The following RAP1GAP variants were observed in gnomAD, a reference collection of about 807,000 sequenced individuals.
The protein encoded by RAP1GAP is rap1 GTPase-activating protein 1.
Under a neutral mutation model 87.2 loss-of-function variants are expected in RAP1GAP, and 35 were observed. That is an observed-to-expected ratio of 0.40 (90% CI 0.31 to 0.53). The LOEUF is 0.53. Among genes scored for constraint, RAP1GAP ranks in the 20% least tolerant of loss-of-function variants. The probability of loss-of-function intolerance (pLI) is 0.48; values close to 1 mark genes in which losing one functional copy is unlikely to be tolerated. For missense variants in RAP1GAP, 734 were observed against 898.9 expected (o/e 0.82, Z 2.35); for synonymous variants, 375 against 363.9 (o/e 1.03, Z -0.35).
chr1:21,617,291 C>T lies in RAP1GAP; in HGVS notation c.291+15G>A, dbSNP rs1400032988. On this transcript the variant is annotated intron_variant, in intron 7 of 24. Transcript: ENST00000374765. ...CCCACCCCAGCCAGCCCCGCTGCAC[C>T]AGCCGGCCACCCACCTTGCCGAGAA... 1.7e-5 allele frequency: 27 copies of T among 1,557,712 alleles called. No homozygotes were observed. Among genetic ancestry groups the T allele is most frequent in the Non-Finnish European group, 2.3e-5 (27 of 1,150,078 alleles).
At position 21,647,730 on chromosome 1, in the gene RAP1GAP, G is replaced by A. The variant is rs529036758; in HGVS notation, c.-113+2031C>T. ...CTGCCATGCTCTTTCCCCTACCCCA[G>A]GAACATTCACGAATGCATGCTCTGT... On this transcript the variant is annotated intron_variant, in intron 2 of 24. Transcript: ENST00000374765. Among the ~76,000 whole-genome samples the A allele has an allele frequency of 3.9e-5, 6 of 152,276 alleles. No homozygotes were observed. The East Asian group carries it at 7.7e-4, about 20-fold the overall frequency.
In RAP1GAP at chr1:21,608,324, C is replaced by T. The variant is rs2076103665; in HGVS notation, c.1185G>A (p.Glu395=). The T allele has an allele frequency of 6.2e-7, 1 of 1,613,528 alleles. No individual in the cohort carries two copies. The highest frequency in any genetic ancestry group is 1.3e-5 in the African/African-American group (1 of 74,924). The change falls in exon 17 of 25, where the codon GAG becomes GAA. Residue 395 remains glutamate, a synonymous_variant. Coordinates refer to ENST00000374765, the MANE Select transcript of RAP1GAP (RefSeq NM_002885.4). ...LEERTRAALL[E]TLYEELHIHS... is the part of the protein sequence containing the mutation. ...GGATGTGTAGTTCCTCATAGAGCGT[C>T]TCCAGGAGGGCGGCCCGCGTCCGCT...
In RAP1GAP at chr1:21,654,105, T is replaced by C. The variant is rs12023053; in HGVS notation, c.-148-4309A>G. The stretch of plus-strand genomic sequence containing the variant: ...CAAGGGATGGGGGTGGGGGTGGGAG[T>C]GGGGGTGGTTAGTGGGGGGTCACGT... On this transcript the variant is annotated intron_variant, in intron 1 of 24. Transcript: ENST00000374765. Among the ~76,000 whole-genome samples, 27 of 6,708 alleles carry C rather than the reference T, an allele frequency of 4.0e-3. No homozygotes were observed. The East Asian group carries it at 0.054, about 13-fold the overall frequency. 4.4% of individuals were successfully genotyped at this position (6,708 alleles called of 152,430 possible).
Position 21,599,624 on chromosome 1 carries a change from C to G in RAP1GAP, c.1653-7G>C, listed in dbSNP as rs775999328. ...CTGCGCTGCGGTCTCCGCTCTGCCA[C>G]AGACAGTGCCCCATTAGCCGGTGTC... is the stretch of plus-strand genomic sequence containing the variant. On this transcript the variant is annotated splice_polypyrimidine_tract_variant and splice_region_variant and intron_variant, in intron 20 of 24. Transcript: ENST00000374765. 2.5e-6 allele frequency: 4 copies of G among 1,601,326 alleles called. No homozygotes were observed. The East Asian group carries it at 8.9e-5, about 36-fold the overall frequency.
chr1:21,606,276 C>G (rs898803524), intron 17 of RAP1GAP, 79 bp from the exon 18 acceptor site: 28 of 1,517,710 alleles, frequency 1.8e-5, no homozygotes, highest in African/African-American at 9.6e-5. Context: ...GCCCAGGCAT[C>G]TGGTCTCTCC....
chr1:21,636,903 GGGAA>G lies in RAP1GAP; in HGVS notation c.-112-10510_-112-10507del, dbSNP rs1338282309. On this transcript the variant is annotated intron_variant, in intron 2 of 24. Transcript: ENST00000374765. ...AAGGAAGGAAAGAAGGAAGGAAGGA[GGGAA>G]GGAAGGAAGGGAGGGAGGGAGGGAG... Among the ~76,000 whole-genome samples, 763 of 129,622 alleles carry G rather than the reference GGGAA, an allele frequency of 5.9e-3. 6 individuals are homozygous for G. The highest frequency in any genetic ancestry group is 0.019 in the East Asian group (77 of 4,030). 85.0% of individuals were successfully genotyped at this position (129,622 alleles called of 152,430 possible).
chr1:21,611,234 C>T (rs941819721), intron 13 of RAP1GAP, among the ~76,000 whole-genome samples: 5 of 152,234 alleles, frequency 3.3e-5, no homozygotes, highest in Admixed American at 6.5e-5. Context: ...TATGCACCCA[C>T]GCATTTATGC....
At chr1:21,667,499 G>T (rs7539182) in intron 1 of RAP1GAP, 28,173 of 152,170 alleles carry the variant, frequency 0.19, 2,754 homozygotes, top group South Asian at 0.23. Context: ...GGTGCTCCAC[G>T]GGACAACCCT....
chr1:21,598,239 C>T lies in RAP1GAP; in HGVS notation c.1879+161G>A, dbSNP rs567206844. The stretch of plus-strand genomic sequence containing the variant: ...CGGAAGAAACCAGCCCTCCAATCCA[C>T]CCAGCCACCCTAGGCTGGACAATGA... On this transcript the variant is annotated intron_variant, in intron 22 of 24. Coordinates refer to ENST00000374765, the MANE Select transcript of RAP1GAP (RefSeq NM_002885.4). The T allele has an allele frequency of 2.1e-4, 160 of 779,504 alleles. No homozygotes were observed. In the African/African-American group the frequency reaches 2.3e-3, roughly 11 times the overall value. 48.3% of individuals were successfully genotyped at this position (779,504 alleles called of 1,614,324 possible). A position where few individuals can be genotyped will look rare whatever the true frequency, so the allele number is the denominator to read the frequency against.
intron 3 of RAP1GAP, among the ~76,000 whole-genome samples, chr1:21,624,990 CAGCTG>C (rs2091296631): frequency 6.6e-6 from 1 of 152,176 alleles, no homozygotes; most frequent in Admixed American, 6.5e-5. Flanking sequence ...TTCATGAACC[CAGCTG>C]TCAAGTGAGG....
At chr1:21,614,534 CCAA>C (rs2080725578) in intron 7 of RAP1GAP, among the ~76,000 whole-genome samples, 3 of 152,176 alleles carry the variant, frequency 2.0e-5, no homozygotes, top group African/African-American at 7.2e-5. Flanking sequence ...AGCTGATTGC[CCAA>C]CCTGTGACTC....
intron 2 of RAP1GAP, among the ~76,000 whole-genome samples, chr1:21,631,060 C>T (rs756512017): frequency 5.9e-5 from 9 of 152,096 alleles, no homozygotes; most frequent in African/African-American, 1.2e-4. Context: ...TCCCACTTCA[C>T]GAACCCGAAC....
At chr1:21,614,673 G>T (rs1269421299) in intron 7 of RAP1GAP, among the ~76,000 whole-genome samples, 1 of 152,174 alleles carries the variant, frequency 6.6e-6, no homozygotes, top group Non-Finnish European at 1.5e-5. Flanking sequence ...GGGTTGGGAA[G>T]ACACCCTGGG....
chr1:21,598,051 T>G lies in RAP1GAP; in HGVS notation c.1893A>C (p.Ser631=). The G allele has an allele frequency of 6.4e-7, 1 of 1,562,504 alleles. No homozygotes were observed. The highest frequency in any genetic ancestry group is 8.7e-7 in the Non-Finnish European group (1 of 1,152,880). ...CCAACTTGCCGGCGTCTGGGTGGGG[T>G]GATCGAGAGGGGCCTGGGGAGGGGG... ...SGGSSPGPSR[S]PHPDAGKLGD... is the part of the protein sequence containing the mutation. Residue 631 remains serine (S), a synonymous_variant, in exon 23 of 25, where the codon TCA becomes TCC. Coordinates refer to ENST00000374765, the MANE Select transcript of RAP1GAP (RefSeq NM_002885.4).
At chr1:21,605,315 G>C (rs900525560) in intron 18 of RAP1GAP, among the ~76,000 whole-genome samples, 1 of 152,164 alleles carries the variant, frequency 6.6e-6, no homozygotes, top group Non-Finnish European at 1.5e-5. Context: ...ACACCACAGA[G>C]GCCCTGGCTG....
intron 1 of RAP1GAP, among the ~76,000 whole-genome samples, chr1:21,660,593 C>T (rs773007122): frequency 2.0e-5 from 3 of 151,852 alleles, no homozygotes; most frequent in Non-Finnish European, 2.9e-5. Flanking sequence ...CTCAGCCTCC[C>T]AAAGTGCCAG....
chr1:21,635,853 A>C (rs901120082), intron 2 of RAP1GAP, among the ~76,000 whole-genome samples: 4 of 152,248 alleles, frequency 2.6e-5, no homozygotes, highest in Non-Finnish European at 5.9e-5. Context: ...TCCAAGCCTC[A>C]GTTTCTCTAC....
chr1:21,614,281 TGAG>T (rs1259437998), intron 7 of RAP1GAP, among the ~76,000 whole-genome samples, 192 bp from the exon 8 acceptor site: 4 of 152,184 alleles, frequency 2.6e-5, no homozygotes, highest in African/African-American at 9.7e-5. Flanking sequence ...CTGGGCAGCC[TGAG>T]GAGGTCACTT....
At position 21,603,164 on chromosome 1, in the gene RAP1GAP, G is replaced by A. The variant is rs534579563; in HGVS notation, c.1429-251C>T. 4 of 494,118 alleles carry A rather than the reference G, an allele frequency of 8.1e-6. No individual in the cohort carries two copies. In the Admixed American group the frequency reaches 1.4e-4, roughly 17 times the overall value. The allele number at this position is 494,118 out of a possible 1,614,324, so 30.6% of individuals were successfully genotyped here. A position where few individuals can be genotyped will look rare whatever the true frequency, so the allele number is the denominator to read the frequency against. ...TCAATACTGGCCCAGGATTAGGACA[G>A]CATCCTGAGGGGGCTAGGGTGGGAG... On this transcript the variant is annotated intron_variant, in intron 18 of 24. Coordinates refer to ENST00000374765, the MANE Select transcript of RAP1GAP (RefSeq NM_002885.4). The surrounding 1 kb of genome is among the most constrained non-coding windows in gnomAD (Gnocchi z 6.0).
Sources: allele counts gnomAD v4.1 joint callset (sites outside exome capture counted in the v4.1 genomes callset), GRCh38; gene constraint gnomAD v4.1.1; non-coding constraint Gnocchi (gnomAD v3.1); transcripts MANE v1.5; gene names NCBI Gene and HGNC (gene_info 2026-07-23, HGNC 2026-07-21).